The following ASPH variants were observed in gnomAD, a reference collection of about 807,000 sequenced individuals.
ASPH encodes the protein aspartate beta-hydroxylase, also known as aspartyl/asparaginyl beta-hydroxylase.
A neutral mutation model predicts 118.4 loss-of-function variants in ASPH; 100 were observed. The ratio of observed to expected loss-of-function variants is 0.84; its 90% CI spans 0.72 to 1.00. The LOEUF (loss-of-function observed/expected upper bound fraction) is 1.00, where lower values mean the gene tolerates loss of function less well. Ranked by LOEUF, ASPH falls within the 50% of genes least tolerant of loss-of-function variation. The pLI is 0.00. For synonymous variants in ASPH, 315 were observed against 325.6 expected (o/e 0.97, Z 0.35); for missense variants, 920 against 919.5 (o/e 1.00, Z -0.01).
At chr8:61,701,479 A>G (rs1835231674) in intron 1 of ASPH, among the ~76,000 whole-genome samples, 1 of 152,232 alleles carries the variant, frequency 6.6e-6, no homozygotes, top group Non-Finnish European at 1.5e-5. Context: ...AAAACTATAA[A>G]ATAAATACAA....
chr8:61,638,525 G>C (rs1181966151), intron 10 of ASPH, among the ~76,000 whole-genome samples, 162 bp from the exon 11 acceptor site: 1 of 152,172 alleles, frequency 6.6e-6, no homozygotes, highest in Non-Finnish European at 1.5e-5. Context: ...GAAGAGTTTG[G>C]TCTAGGGTAA....
intron 21 of ASPH, among the ~76,000 whole-genome samples, chr8:61,545,155 C>T (rs10101416): frequency 0.65 from 98,224 of 152,050 alleles, 35,844 homozygotes; most frequent in Non-Finnish European, 0.82. Context: ...AATCTAATCA[C>T]TAATGTGATG....
chr8:61,591,791 T>C (rs1841221793), intron 14 of ASPH, among the ~76,000 whole-genome samples: 1 of 152,180 alleles, frequency 6.6e-6, no homozygotes, highest in African/African-American at 2.4e-5. Context: ...CCAATGTCTG[T>C]ACTCTTAACC....
At chr8:61,590,955 A>T (rs1378391062) in intron 14 of ASPH, among the ~76,000 whole-genome samples, 2 of 152,116 alleles carry the variant, frequency 1.3e-5, no homozygotes, top group East Asian at 3.9e-4. Flanking sequence ...ACATTCTATT[A>T]CTATTACTAC....
chr8:61,653,523 G>T (rs374799915), intron 4 of ASPH, 45 bp downstream of exon 4: 1 of 1,583,332 alleles, frequency 6.3e-7, no homozygotes, highest in Non-Finnish European at 8.6e-7. Flanking sequence ...TACCTGTCAG[G>T]CTCTGGCACA....
At chr8:61,693,720 A>G (rs1833245070) in intron 1 of ASPH, among the ~76,000 whole-genome samples, 1 of 151,992 alleles carries the variant, frequency 6.6e-6, no homozygotes, top group Non-Finnish European at 1.5e-5. Flanking sequence ...TTTCCTCAAC[A>G]TTTTCTTCTT....
chr8:61,573,887 GAA>G (rs571435951), intron 16 of ASPH, among the ~76,000 whole-genome samples: 119 of 152,242 alleles, frequency 7.8e-4, no homozygotes, highest in South Asian at 2.9e-3. Flanking sequence ...CACAGCAAAA[GAA>G]ACTATCATCA....
chr8:61,646,221 G>C (rs1383528013), intron 6 of ASPH, among the ~76,000 whole-genome samples: 1 of 152,144 alleles, frequency 6.6e-6, no homozygotes, highest in Non-Finnish European at 1.5e-5. Flanking sequence ...ACCCACTTAG[G>C]AACTATCAAA....
At chr8:61,566,820 T>C (rs749208371) in intron 17 of ASPH, among the ~76,000 whole-genome samples, 6 of 152,220 alleles carry the variant, frequency 3.9e-5, no homozygotes, top group African/African-American at 7.2e-5. Flanking sequence ...AAATTAAGGC[T>C]TGGACATTGT....
chr8:61,662,200 A>G (rs563787429), intron 3 of ASPH, among the ~76,000 whole-genome samples: 2 of 152,330 alleles, frequency 1.3e-5, no homozygotes, highest in South Asian at 2.1e-4. Flanking sequence ...TGATTTTGCT[A>G]CTAAAATGTG....
At position 61,548,198 on chromosome 8, in the gene ASPH, C is replaced by G; in HGVS notation, c.1637G>C (p.Trp546Ser). 6.2e-7 allele frequency: 1 copy of G among 1,613,156 alleles called. No homozygotes were observed. The highest frequency in any genetic ancestry group is 2.2e-5 in the East Asian group (1 of 44,850). ...TCCTCTCTTGTGCCCAAGCTCATAC[C>G]ACTTATATGCCTGAAGGAACAGAAA... Reference protein sequence around the residue: ...QRVGNKEAYKWYELGHKRGHF... With the variant: ...QRVGNKEAYKSYELGHKRGHF... Residue 546 changes from tryptophan to serine, a missense_variant, in exon 21 of 25, where the codon TGG becomes TCG. By Grantham distance (177) the Trp-to-Ser change is radical. Coordinates refer to ENST00000379454, the MANE Select transcript of ASPH (RefSeq NM_004318.4).
At chr8:61,569,305 T>C (rs1385004965) in intron 16 of ASPH, among the ~76,000 whole-genome samples, 1 of 152,202 alleles carries the variant, frequency 6.6e-6, no homozygotes, top group African/African-American at 2.4e-5. Context: ...GAGGCTACAA[T>C]CTGAAGCCTA....
chr8:61,617,243 G>A (rs1476617405), intron 14 of ASPH, among the ~76,000 whole-genome samples: 5 of 152,092 alleles, frequency 3.3e-5, no homozygotes, highest in South Asian at 2.1e-4. Context: ...GGGGCACTCC[G>A]GTGATTAATG....
intron 14 of ASPH, among the ~76,000 whole-genome samples, chr8:61,590,303 G>A (rs1840711157): frequency 6.6e-6 from 1 of 152,118 alleles, no homozygotes; most frequent in South Asian, 2.1e-4. Flanking sequence ...TGCTCTGGGA[G>A]TATAAGGTTT....
chr8:61,638,365 T>TTA lies in ASPH; in HGVS notation c.791-3_791-2insTA. ...CATTTTCTAGAGGTTCATATACTGC[T>TTA]AAAAAAAAAAAAACAGAAACAAAAT... On this transcript the variant is annotated splice_region_variant and splice_polypyrimidine_tract_variant and intron_variant, in intron 10 of 24. Coordinates refer to ENST00000379454, the MANE Select transcript of ASPH (RefSeq NM_004318.4). The TTA allele has an allele frequency of 1.5e-6, 2 of 1,341,062 alleles. No individual in the cohort carries two copies. The highest frequency in any genetic ancestry group is 2.0e-6 in the Non-Finnish European group (2 of 981,032). 83.1% of individuals were successfully genotyped at this position (1,341,062 alleles called of 1,614,324 possible). A position where few individuals can be genotyped will look rare whatever the true frequency, so the allele number is the denominator to read the frequency against.
chr8:61,603,643 A>G (rs1844756704), intron 14 of ASPH, among the ~76,000 whole-genome samples: 1 of 152,250 alleles, frequency 6.6e-6, no homozygotes, highest in African/African-American at 2.4e-5. Context: ...ACACGTATTT[A>G]TTGAGTGCCT....
intron 22 of ASPH, among the ~76,000 whole-genome samples, chr8:61,518,946 C>A (rs1050567377): frequency 9.9e-5 from 15 of 152,176 alleles, no homozygotes; most frequent in African/African-American, 3.6e-4. Flanking sequence ...CACTTTTCAC[C>A]GTGATATGCA....
chr8:61,577,432 ACC>A (rs1835696720), intron 15 of ASPH, among the ~76,000 whole-genome samples: 1 of 145,490 alleles, frequency 6.9e-6, no homozygotes, highest in Admixed American at 6.8e-5. Context: ...AAGACAAGAC[ACC>A]TGATAAATGA....
chr8:61,539,699 G>GTGTGTGTGTGTGTGTGTGTGTGTGTGT (rs1554618408), intron 21 of ASPH, among the ~76,000 whole-genome samples: 9 of 124,304 alleles, frequency 7.2e-5, no homozygotes, highest in Admixed American at 5.1e-4. Context: ...ACACTTCTGG[G>GTGTGTGTGTGTGTGTGTGTGTGTGTGT]GTGTGTGTGT....
Sources: allele counts gnomAD v4.1 joint callset (sites outside exome capture counted in the v4.1 genomes callset), GRCh38; gene constraint gnomAD v4.1.1; transcripts MANE v1.5; gene names NCBI Gene and HGNC (gene_info 2026-07-23, HGNC 2026-07-21).